The following SHISA9 variants were observed in gnomAD, a reference collection of about 807,000 sequenced individuals.
SHISA9 encodes protein shisa-9.
SHISA9 carries 13 observed loss-of-function variants against 38.0 expected under a neutral mutation model. The observed-to-expected ratio is 0.34, with a 90% CI of 0.22 to 0.54. The LOEUF (loss-of-function observed/expected upper bound fraction) is 0.54. Among genes scored for constraint, SHISA9 ranks in the 20% least tolerant of loss-of-function variants. The probability of loss-of-function intolerance (pLI) is 0.91; values close to 1 mark genes in which losing one functional copy is unlikely to be tolerated. For missense variants in SHISA9, 538 were observed against 575.8 expected (o/e 0.93, Z 0.67); for synonymous variants, 275 against 242.0 (o/e 1.14, Z -1.27).
At chr16:13,163,239 G>A (rs1439034200) in intron 2 of SHISA9, among the ~76,000 whole-genome samples, 2 of 152,146 alleles carry the variant, frequency 1.3e-5, no homozygotes, top group Non-Finnish European at 2.9e-5. Flanking sequence ...GGCCCAGGTT[G>A]GGGGACAAGA....
In SHISA9 at chr16:12,902,571, C is replaced by A. The variant is rs1347779807; in HGVS notation, c.507C>A (p.Ile169=). The change falls in exon 1 of 5, where the codon ATC becomes ATA. Residue 169 remains isoleucine (I), a synonymous_variant. Transcript: ENST00000558583. ...TGGCCGTCATGGTGCTCGTGGGCAT[C>A]TTCACCAAGCTGGGGCTGGAGAAAG... The part of the protein sequence containing the change: ...GVVAVMVLVG[I]FTKLGLEKAH... 1.3e-6 allele frequency: 2 copies of A among 1,551,302 alleles called. No individual in the cohort carries two copies. Among genetic ancestry groups the A allele is most frequent in the Middle Eastern group, 1.7e-4 (1 of 5,992 alleles).
At chr16:13,356,694 T>A in the SHISA9 span, among the ~76,000 whole-genome samples, 1 of 151,940 alleles carries the variant, frequency 6.6e-6, no homozygotes, top group East Asian at 1.9e-4. Flanking sequence ...ACGCTTGGGG[T>A]TGGTTCTGAG....
intron 1 of SHISA9, among the ~76,000 whole-genome samples, chr16:12,916,009 G>GT (rs1567337847): frequency 2.0e-5 from 2 of 102,282 alleles, no homozygotes. Context: ...GTGTGTGTGT[G>GT]TGTTTTTTTT....
chr16:13,059,547 T>C (rs1339360534), intron 2 of SHISA9, among the ~76,000 whole-genome samples: 1 of 151,966 alleles, frequency 6.6e-6, no homozygotes, highest in African/African-American at 2.4e-5. Context: ...AGCATCAGGA[T>C]AAACAGCAAA....
intron 2 of SHISA9, among the ~76,000 whole-genome samples, chr16:13,141,099 G>A (rs918298575): frequency 1.3e-5 from 2 of 152,146 alleles, no homozygotes; most frequent in South Asian, 2.1e-4. Context: ...GGAAAATTTA[G>A]AGGACAAAGA....
chr16:13,197,221 G>A (rs1298095468), intron 2 of SHISA9, among the ~76,000 whole-genome samples: 1 of 152,062 alleles, frequency 6.6e-6, no homozygotes, highest in Non-Finnish European at 1.5e-5. Context: ...GGAACACGGT[G>A]TGTGCTCGAC....
chr16:13,551,182 C>T, the SHISA9 span, among the ~76,000 whole-genome samples: 1 of 151,946 alleles, frequency 6.6e-6, no homozygotes, highest in Non-Finnish European at 1.5e-5. Flanking sequence ...GATCTTTGCT[C>T]TTCTTTCTTA....
chr16:13,215,700 T>G (rs2051161386), intron 4 of SHISA9, among the ~76,000 whole-genome samples: 1 of 152,160 alleles, frequency 6.6e-6, no homozygotes, highest in Admixed American at 6.5e-5. Context: ...CCTGTCCTGC[T>G]AAAGGCACCT....
chr16:13,376,412 C>T, the SHISA9 span, among the ~76,000 whole-genome samples: 1 of 152,160 alleles, frequency 6.6e-6, no homozygotes, highest in East Asian at 1.9e-4. Context: ...TATATGACTA[C>T]ATGCTTCTCA....
intron 2 of SHISA9, among the ~76,000 whole-genome samples, chr16:13,072,326 C>T (rs276614): frequency 0.17 from 26,405 of 152,200 alleles, 4,745 homozygotes; most frequent in African/African-American, 0.45. Context: ...TGATTACTAC[C>T]ATCATGGGTT....
the SHISA9 span, chr16:13,474,408 T>C: frequency 6.6e-6 from 1 of 152,236 alleles, no homozygotes; most frequent in African/African-American, 2.4e-5. Context: ...GCATGTTATG[T>C]ATGTGTCAGA....
chr16:13,352,617 GC>G, the SHISA9 span, among the ~76,000 whole-genome samples: 3 of 151,288 alleles, frequency 2.0e-5, no homozygotes, highest in African/African-American at 7.3e-5. Flanking sequence ...CACCAAACAG[GC>G]TTTGTGTGAG....
chr16:13,096,701 T>A (rs778833134), intron 2 of SHISA9, among the ~76,000 whole-genome samples: 25 of 152,296 alleles, frequency 1.6e-4, no homozygotes, highest in Non-Finnish European at 3.1e-4. Flanking sequence ...GGAAGTTTAA[T>A]TCATTGAACC....
chr16:12,907,529 C>T (rs886837514), intron 1 of SHISA9, among the ~76,000 whole-genome samples: 6 of 152,058 alleles, frequency 3.9e-5, no homozygotes, highest in Non-Finnish European at 7.4e-5. Context: ...AGCACAATTC[C>T]ATTATCACAC....
At chr16:13,103,451 G>A (rs1237075731) in intron 2 of SHISA9, among the ~76,000 whole-genome samples, 1 of 152,186 alleles carries the variant, frequency 6.6e-6, no homozygotes, top group Non-Finnish European at 1.5e-5. Flanking sequence ...GCAGGTGAGT[G>A]GAAAGACCAG....
rs1040183649 is a variant in SHISA9 at position 13,239,698 on chromosome 16, A to G, written c.*4289A>G. On this transcript the variant is annotated 3_prime_UTR_variant, in exon 5 of 5. Coordinates refer to ENST00000558583, the MANE Select transcript of SHISA9 (RefSeq NM_001145204.3). ...ATGGGGTTGTTTGTTTTTTTCTTGT[A>G]AATTTGTTTGAGTTCATTGTAGATT... is the stretch of plus-strand genomic sequence containing the variant. 5.9e-5 allele frequency: 9 copies of G among 151,738 alleles called. No homozygotes were observed. The highest frequency in any genetic ancestry group is 1.2e-4 in the Non-Finnish European group (8 of 67,938). The allele number at this position is 151,738 out of a possible 1,614,324, so 9.4% of individuals were successfully genotyped here. A position where few individuals can be genotyped will look rare whatever the true frequency, so the allele number is the denominator to read the frequency against.
At chr16:13,151,646 C>G (rs1200852669) in intron 2 of SHISA9, among the ~76,000 whole-genome samples, 1 of 152,164 alleles carries the variant, frequency 6.6e-6, no homozygotes, top group Non-Finnish European at 1.5e-5. Context: ...AATTTACAAA[C>G]TCTTTACAAG....
the SHISA9 span, among the ~76,000 whole-genome samples, chr16:13,318,027 T>C: frequency 3.3e-3 from 496 of 149,966 alleles, 1 homozygote; most frequent in Non-Finnish European, 5.8e-3. Context: ...ACTATGTACA[T>C]AGTCTGTGCC....
At chr16:13,257,790 G>C in the SHISA9 span, among the ~76,000 whole-genome samples, 35,599 of 152,030 alleles carry the variant, frequency 0.23, 4,607 homozygotes, top group East Asian at 0.4. Flanking sequence ...GCTCCCTTCT[G>C]TGCTACTTAG....
Sources: allele counts gnomAD v4.1 joint callset (sites outside exome capture counted in the v4.1 genomes callset), GRCh38; gene constraint gnomAD v4.1.1; transcripts MANE v1.5; gene names NCBI Gene and HGNC (gene_info 2026-07-23, HGNC 2026-07-21).